The following ALDH6A1 variants were observed in gnomAD, a reference collection of about 807,000 sequenced individuals.
The protein encoded by ALDH6A1 is methylmalonate-semialdehyde/malonate-semialdehyde dehydrogenase [acylating], mitochondrial.
Under a neutral mutation model 62.6 loss-of-function variants are expected in ALDH6A1, and 43 were observed. The observed-to-expected ratio is 0.69, with a 90% confidence interval of 0.54 to 0.89. The LOEUF is 0.89. Ranked by LOEUF, ALDH6A1 falls within the 40% of genes least tolerant of loss-of-function variation. The probability of loss-of-function intolerance (pLI) is 0.00; values close to 1 mark genes in which losing one functional copy is unlikely to be tolerated. For synonymous variants in ALDH6A1, 194 were observed against 234.2 expected (o/e 0.83, Z 1.57); for missense variants, 551 against 661.3 (o/e 0.83, Z 1.83).
chr14:74,076,485 C>G (rs2060614465), intron 1 of ALDH6A1, among the ~76,000 whole-genome samples: 1 of 152,064 alleles, frequency 6.6e-6, no homozygotes, highest in Admixed American at 6.6e-5. Flanking sequence ...CCTCAGCCTG[C>G]CAAGTAGCTC....
Position 74,072,614 on chromosome 14 carries a change from GAA to G in ALDH6A1, c.112-5_112-4del, listed in dbSNP as rs771261871. 3 of 1,581,358 alleles carry G rather than the reference GAA, an allele frequency of 1.9e-6. No individual in the cohort carries two copies. The South Asian group carries it at 3.3e-5, about 18-fold the overall frequency. On this transcript the variant is annotated splice_polypyrimidine_tract_variant and splice_region_variant and intron_variant, in intron 2 of 11. Transcript: ENST00000553458. ...CCAATGAAGAGCTTTACAGTTGGCT[GAA>G]AAAAACAAACAAACAAACAAACAAA...
intron 7 of ALDH6A1, among the ~76,000 whole-genome samples, chr14:74,068,205 C>A (rs1239492742): frequency 6.6e-6 from 1 of 150,654 alleles, no homozygotes; most frequent in East Asian, 2.0e-4. Context: ...GCCAAGAAAC[C>A]CTGTCTCTAC....
At chr14:74,060,795 T>G in intron 11 of ALDH6A1, 49 bp from the exon 12 acceptor site, 1 of 1,354,938 alleles carries the variant, frequency 7.4e-7, no homozygotes, top group African/African-American at 1.4e-5. Flanking sequence ...GGTTTCATGA[T>G]TCTTCTTTTA....
rs1371669307 is a variant in ALDH6A1 at position 74,066,900 on chromosome 14, C to T, written c.1043-14G>A. On this transcript the variant is annotated splice_polypyrimidine_tract_variant and intron_variant, in intron 8 of 11. Coordinates refer to ENST00000553458, the MANE Select transcript of ALDH6A1 (RefSeq NM_005589.4). ...CAGGCTGATCTCCTGTAAAACAACACAGAAGAATTTAAGGTCCTCATTAAC... is the reference window on the plus strand; with the variant it reads ...CAGGCTGATCTCCTGTAAAACAACATAGAAGAATTTAAGGTCCTCATTAAC... The T allele has an allele frequency of 1.2e-6, 2 of 1,612,370 alleles. No homozygotes were observed. Among genetic ancestry groups the T allele is most frequent in the Non-Finnish European group, 1.7e-6 (2 of 1,178,462 alleles).
chr14:74,057,525 T>C lies in ALDH6A1; in HGVS notation c.*3117A>G. ...TGAAGTAAACAGCCTAGCCAAAATGTGTACTATCTTTTACGTAAGAGTAAA... is the reference window on the plus strand; with the variant it reads ...TGAAGTAAACAGCCTAGCCAAAATGCGTACTATCTTTTACGTAAGAGTAAA... On this transcript the variant is annotated 3_prime_UTR_variant, in exon 12 of 12. Coordinates refer to ENST00000553458, the MANE Select transcript of ALDH6A1 (RefSeq NM_005589.4). 2 of 1,358,572 alleles carry C rather than the reference T, an allele frequency of 1.5e-6. No individual in the cohort carries two copies. Among genetic ancestry groups the C allele is most frequent in the Middle Eastern group, 2.0e-4 (1 of 5,044 alleles). The allele number at this position is 1,358,572 out of a possible 1,614,324, so 84.2% of individuals were successfully genotyped here.
intron 7 of ALDH6A1, among the ~76,000 whole-genome samples, chr14:74,068,431 G>C (rs764409537): frequency 2.6e-5 from 4 of 151,154 alleles, no homozygotes; most frequent in South Asian, 2.1e-4. Context: ...CTCCTCAAAA[G>C]GTTCATGATT....
intron 6 of ALDH6A1, chr14:74,069,266 C>T (rs2060516776): frequency 2.8e-6 from 1 of 360,354 alleles, no homozygotes; most frequent in African/African-American, 2.1e-5. Context: ...ACCATGCCTG[C>T]CTAATTTTTG....
intron 8 of ALDH6A1, 39 bp from the exon 9 acceptor site, chr14:74,066,925 C>T: frequency 6.3e-7 from 1 of 1,587,758 alleles, no homozygotes; most frequent in Non-Finnish European, 8.6e-7. Flanking sequence ...TCCTCATTAA[C>T]ATAAATTATG....
intron 1 of ALDH6A1, chr14:74,078,186 C>A (rs1340294007): frequency 4.4e-6 from 2 of 455,478 alleles, no homozygotes; most frequent in Non-Finnish European, 4.4e-6. Context: ...CTTTGTTTTT[C>A]TTACTTCAGA....
rs1438842103 is a variant in ALDH6A1, at chr14:74,065,551, A to G, written c.1225-191T>C. On this transcript the variant is annotated intron_variant, in intron 9 of 11. Transcript: ENST00000553458. ...AGTGTATTCCGTCTTCCAAGTTACC[A>G]ATCATATAAACAACTTGGAATTCCT... is the stretch of plus-strand genomic sequence containing the variant. The G allele has an allele frequency of 8.3e-6, 5 of 602,018 alleles. No individual in the cohort carries two copies. In the African/African-American group the frequency reaches 9.3e-5, roughly 11 times the overall value. 37.3% of individuals were successfully genotyped at this position (602,018 alleles called of 1,614,324 possible). A position where few individuals can be genotyped will look rare whatever the true frequency, so the allele number is the denominator to read the frequency against.
intron 11 of ALDH6A1, among the ~76,000 whole-genome samples, chr14:74,064,305 A>G (rs111313289): frequency 6.8e-6 from 1 of 147,004 alleles, no homozygotes; most frequent in African/African-American, 2.5e-5. Context: ...CTCAAAAAAA[A>G]AAAAAATAAT....
intron 2 of ALDH6A1, among the ~76,000 whole-genome samples, chr14:74,074,712 C>T (rs2060593484): frequency 6.6e-6 from 1 of 152,052 alleles, no homozygotes; most frequent in Admixed American, 6.6e-5. Flanking sequence ...CTGTAAAAAC[C>T]ACTCTAAAGG....
At chr14:74,065,465 T>C (rs1398558823) in intron 9 of ALDH6A1, 105 bp from the exon 10 acceptor site, 2 of 1,022,820 alleles carry the variant, frequency 2.0e-6, no homozygotes, top group Non-Finnish European at 3.0e-6. Flanking sequence ...CGTGGACAAC[T>C]TTCATATTAC....
At chr14:74,066,042 T>C (rs2060457965) in intron 9 of ALDH6A1, 1 of 155,052 alleles carries the variant, frequency 6.4e-6, no homozygotes, top group Non-Finnish European at 1.4e-5. Flanking sequence ...TTTTAAGTCA[T>C]GTTAGCTGAG....
chr14:74,068,782 C>T, intron 7 of ALDH6A1, 78 bp downstream of exon 7: 2 of 1,521,318 alleles, frequency 1.3e-6, no homozygotes, highest in Non-Finnish European at 1.8e-6. Flanking sequence ...GGATGAGTGG[C>T]CTCTCTGCTG....
At chr14:74,068,542 C>T (rs939598013) in intron 7 of ALDH6A1, among the ~76,000 whole-genome samples, 13 of 152,072 alleles carry the variant, frequency 8.5e-5, no homozygotes, top group African/African-American at 3.1e-4. Context: ...AGATCGAAAC[C>T]ATCCTGGCCA....
At chr14:74,066,984 G>C in intron 8 of ALDH6A1, 98 bp from the exon 9 acceptor site, 1 of 1,192,372 alleles carries the variant, frequency 8.4e-7, no homozygotes, top group Non-Finnish European at 1.2e-6. Flanking sequence ...AGGAGGCCAA[G>C]GCAGGAGGAC....
intron 9 of ALDH6A1, chr14:74,066,186 G>A (rs1223251810): frequency 6.0e-6 from 1 of 166,362 alleles, no homozygotes; most frequent in African/African-American, 2.4e-5. Flanking sequence ...GGAGAGGGGA[G>A]AGAAAACATT....
chr14:74,060,800 C>G (rs1005092648), intron 11 of ALDH6A1, 54 bp from the exon 12 acceptor site: 72 of 1,294,708 alleles, frequency 5.6e-5, no homozygotes, highest in Non-Finnish European at 7.9e-5. Context: ...CATGATTCTT[C>G]TTTTAATTAG....
Sources: allele counts gnomAD v4.1 joint callset (sites outside exome capture counted in the v4.1 genomes callset), GRCh38; gene constraint gnomAD v4.1.1; transcripts MANE v1.5; gene names NCBI Gene and HGNC (gene_info 2026-07-23, HGNC 2026-07-21).